LAMA5: variants seen among roughly 807,000 people sequenced by gnomAD.
LAMA5 encodes laminin subunit alpha-5.
A neutral mutation model predicts 433.4 loss-of-function variants in LAMA5; 260 were observed. The observed-to-expected ratio is 0.60, with a 90% CI of 0.54 to 0.66. LAMA5 has a LOEUF of 0.66. LAMA5 is among the 30% of genes least tolerant of loss of function. LAMA5 has a pLI of 0.00. For synonymous variants in LAMA5, 2,620 were observed against 2,226.6 expected (o/e 1.18, Z -4.97); for missense variants, 5,378 against 5,258.5 (o/e 1.02, Z -0.70).
intron 2 of LAMA5, 148 bp downstream of exon 2, chr20:62,362,252 C>A: frequency 7.0e-6 from 5 of 718,266 alleles, no homozygotes; most frequent in Non-Finnish European, 1.0e-5. Flanking sequence ...TGTGGGGACT[C>A]CCCCCACCAA....
intron 32 of LAMA5, 40 bp downstream of exon 32, chr20:62,329,737 G>C (rs377201449): frequency 3.3e-5 from 53 of 1,608,496 alleles, no homozygotes; most frequent in Non-Finnish European, 4.5e-5. Context: ...ACAAGTATAA[G>C]GACAGCTGGT....
Position 62,324,826 on chromosome 20 carries a change from ACCCACT to A in LAMA5, c.5530-278_5530-273del, listed in dbSNP as rs567900584. On this transcript the variant is annotated intron_variant, in intron 41 of 79. Transcript: ENST00000252999. This position sits in a 1 kb window ranked among gnomAD's most constrained non-coding sequence, Gnocchi z 4.4. Reference sequence around the variant, plus strand: ...TGACCAGGCCTTGGGGCTGGTGACCACCCACTCCATGTGGACCAGGGCCTACTCTTT... The same window carrying A: ...TGACCAGGCCTTGGGGCTGGTGACCACCATGTGGACCAGGGCCTACTCTTT... 348 of 497,710 alleles carry A rather than the reference ACCCACT, an allele frequency of 7.0e-4. 1 individual carries two copies. The highest frequency in any genetic ancestry group is 1.2e-3 in the Non-Finnish European group (314 of 272,292). 30.8% of individuals were successfully genotyped at this position (497,710 alleles called of 1,614,324 possible).
In LAMA5 at chr20:62,359,935, C is replaced by T. The variant is rs1475013454; in HGVS notation, c.450+2465G>A. On this transcript the variant is annotated intron_variant, in intron 2 of 79. Coordinates refer to ENST00000252999, the MANE Select transcript of LAMA5 (RefSeq NM_005560.6). This position sits in a 1 kb window ranked among gnomAD's most constrained non-coding sequence, Gnocchi z 4.3. ...AGCCTTCCCGATGCCCAGTGCCAGC[C>T]GCCCCCACCCCCGTCCCAGGGCATC... is the stretch of plus-strand genomic sequence containing the variant. Among the ~76,000 whole-genome samples, 10 of 151,790 alleles carry T rather than the reference C, an allele frequency of 6.6e-5. No individual in the cohort carries two copies. Among genetic ancestry groups the T allele is most frequent in the African/African-American group, 1.5e-4 (6 of 41,336 alleles).
In LAMA5 at chr20:62,346,774, C is replaced by T. The variant is rs767044259; in HGVS notation, c.1099G>A (p.Asp367Asn). ...TCCACCTCAGGGTCGTAGTAACAGT[C>T]GGTGGCATGGCCGTAGCAGTTACAG... is the stretch of plus-strand genomic sequence containing the variant. ...QSCNCYGHAT[D>N]CYYDPEVDRR... The change falls in exon 8 of 80, where the codon GAC becomes AAC. Residue 367 changes from aspartate (D) to asparagine (N), a missense_variant. Asp to Asn is a conservative substitution (Grantham distance 23). Transcript: ENST00000252999. 7.4e-6 allele frequency: 12 copies of T among 1,612,402 alleles called. No homozygotes were observed. Among genetic ancestry groups the T allele is most frequent in the African/African-American group, 4.0e-5 (3 of 74,926 alleles).
At chr20:62,319,589 T>C in intron 51 of LAMA5, 95 bp downstream of exon 51, 2 of 840,566 alleles carry the variant, frequency 2.4e-6, no homozygotes, top group Non-Finnish European at 1.9e-6. Flanking sequence ...AGATCCTGCC[T>C]GTTCTTCCAG....
Position 62,367,259 on chromosome 20 carries a change from G to A in LAMA5, c.-14C>T, listed in dbSNP as rs1223233118. ...CCGCTTCGCCATCTTCCCGGCTCCG[G>A]GCCGCGTCCCCGAGCTCCAGGGACA... is the stretch of plus-strand genomic sequence containing the variant. On this transcript the variant is annotated 5_prime_UTR_variant, in exon 1 of 80. Coordinates refer to ENST00000252999, the MANE Select transcript of LAMA5 (RefSeq NM_005560.6). 6 of 1,163,148 alleles carry A rather than the reference G, an allele frequency of 5.2e-6. No individual in the cohort carries two copies. In the South Asian group the frequency reaches 1.6e-4, roughly 31 times the overall value. 72.1% of individuals were successfully genotyped at this position (1,163,148 alleles called of 1,614,324 possible).
At position 62,314,651 on chromosome 20, in the gene LAMA5, A is replaced by C; in HGVS notation, c.8271T>G (p.Ala2757=). The change falls in exon 61 of 80, where the codon GCT becomes GCG. Residue 2757 remains alanine, a synonymous_variant. Coordinates refer to ENST00000252999, the MANE Select transcript of LAMA5 (RefSeq NM_005560.6). ...LRTPRDLADL[A]AYTALKFYLQ... The stretch of plus-strand genomic sequence containing the variant: ...GGTAGAACTTGAGGGCAGTGTAGGC[A>C]GCAAGGTCGGCAAGATCCCGTGGGG... 1 of 1,612,662 alleles carries C rather than the reference A, an allele frequency of 6.2e-7. No homozygotes were observed. Among genetic ancestry groups the C allele is most frequent in the Non-Finnish European group, 8.5e-7 (1 of 1,179,922 alleles).
Position 62,324,356 on chromosome 20 carries a change from G to C in LAMA5, c.5643+85C>G. The C allele has an allele frequency of 7.0e-7, 1 of 1,428,378 alleles. No individual in the cohort carries two copies. Among genetic ancestry groups the C allele is most frequent in the African/African-American group, 1.4e-5 (1 of 70,874 alleles). The allele number at this position is 1,428,378 out of a possible 1,614,324, so 88.5% of individuals were successfully genotyped here. On this transcript the variant is annotated intron_variant, in intron 42 of 79. Transcript: ENST00000252999. The surrounding 1 kb of genome is among the most constrained non-coding windows in gnomAD (Gnocchi z 4.4). Reference sequence around the variant, plus strand: ...CCTTCCCCAGACCTCAGTTGACCTGGAAGTGCAGCCCCTGGTCTTCCCTGG... The same window carrying C: ...CCTTCCCCAGACCTCAGTTGACCTGCAAGTGCAGCCCCTGGTCTTCCCTGG...
chr20:62,341,287 T>C (rs986152178), intron 11 of LAMA5, among the ~76,000 whole-genome samples: 23 of 152,072 alleles, frequency 1.5e-4, no homozygotes, highest in African/African-American at 5.3e-4. Context: ...AATGATAGAC[T>C]ATTTAAAAAA....
chr20:62,319,802 A>G lies in LAMA5; in HGVS notation c.6760-7T>C, dbSNP rs1371103957. On this transcript the variant is annotated splice_region_variant and splice_polypyrimidine_tract_variant and intron_variant, in intron 50 of 79. Coordinates refer to ENST00000252999, the MANE Select transcript of LAMA5 (RefSeq NM_005560.6). ...GGTCTCGGGTCCCCACGGCCTGTGG[A>G]GGAAGAGCCCACTAGCCCACGCTGC... 1.9e-6 allele frequency: 3 copies of G among 1,541,998 alleles called. No individual in the cohort carries two copies. The highest frequency in any genetic ancestry group is 2.0e-5 in the Admixed American group (1 of 50,912).
chr20:62,322,972 C>A (rs1978561967), intron 45 of LAMA5, among the ~76,000 whole-genome samples: 1 of 151,806 alleles, frequency 6.6e-6, no homozygotes, highest in African/African-American at 2.4e-5. Context: ...CATGGCCTGC[C>A]CTGCTCTGAC....
chr20:62,311,445 T>G lies in LAMA5; in HGVS notation c.9898A>C (p.Thr3300Pro). Reference protein sequence around the residue: ...TGCAPALQAQTPGLGPRGLQA... With the variant: ...TGCAPALQAQPPGLGPRGLQA... Reference sequence around the variant, plus strand: ...AGTCCTCTAGGCCCCAGGCCCGGGGTCTGGGCTTGCAGGGCGGGTGCACAG... The same window carrying G: ...AGTCCTCTAGGCCCCAGGCCCGGGGGCTGGGCTTGCAGGGCGGGTGCACAG... Residue 3300 changes from threonine (T) to proline (P), a missense_variant, in exon 72 of 80, where the codon ACC (threonine) becomes CCC (proline). By Grantham distance (38) the Thr-to-Pro change is conservative (BLOSUM62 -1). Transcript: ENST00000252999. The G allele has an allele frequency of 6.2e-7, 1 of 1,601,814 alleles. No homozygotes were observed. Among genetic ancestry groups the G allele is most frequent in the African/African-American group, 1.3e-5 (1 of 74,728 alleles).
chr20:62,318,919 C>A lies in LAMA5; in HGVS notation c.6966G>T (p.Leu2322=), dbSNP rs772099510. 3 of 1,602,994 alleles carry A rather than the reference C, an allele frequency of 1.9e-6. No homozygotes were observed. Among genetic ancestry groups the A allele is most frequent in the South Asian group, 2.2e-5 (2 of 90,142 alleles). The change falls in exon 52 of 80, where the codon CTG becomes CTT. Residue 2322 remains leucine (L), a synonymous_variant. Coordinates refer to ENST00000252999, the MANE Select transcript of LAMA5 (RefSeq NM_005560.6). Reference sequence around the variant, plus strand: ...GGTCCCGGGCCCGCATCTCCCAGAGCAGCCGCTCCACCTCGGCCAGTGTCC... The same window carrying A: ...GGTCCCGGGCCCGCATCTCCCAGAGAAGCCGCTCCACCTCGGCCAGTGTCC... ...LLRTLAEVER[L]LWEMRARDLG...
chr20:62,346,111 C>T lies in LAMA5; in HGVS notation c.1387G>A (p.Glu463Lys), dbSNP rs1401472581. ...FSGERCDVCA[E>K]GFTGFPSCYP... The stretch of plus-strand genomic sequence containing the variant: ...CAGCTTGGGAAGCCCGTGAAGCCCT[C>T]GGCACACACGTCACACCGCTCCCCA... The change falls in exon 10 of 80, where the codon GAG (glutamate) becomes AAG (lysine). Residue 463 changes from glutamate (E) to lysine (K), a missense_variant. Transcript: ENST00000252999. 34 of 1,612,920 alleles carry T rather than the reference C, an allele frequency of 2.1e-5. No homozygotes were observed. Among genetic ancestry groups the T allele is most frequent in the African/African-American group, 4.0e-5 (3 of 74,942 alleles).
Position 62,336,784 on chromosome 20 carries a change from C to T in LAMA5, c.2167G>A (p.Gly723Ser), listed in dbSNP as rs1568949918. ...GCCAGACCGGCAGGGTGGCAAGAGCCAGCTGTGAAGAGAGGACCATGCCTC... is the reference window on the plus strand; with the variant it reads ...GCCAGACCGGCAGGGTGGCAAGAGCTAGCTGTGAAGAGAGGACCATGCCTC... ...GAYNFPYCEA[G>S]SCHPAGLAPV... Residue 723 changes from glycine to serine, a missense_variant and splice_region_variant, in exon 17 of 80, where the codon GGC becomes AGC. Transcript: ENST00000252999. The T allele has an allele frequency of 1.9e-6, 3 of 1,612,632 alleles. No homozygotes were observed. The highest frequency in any genetic ancestry group is 2.5e-6 in the Non-Finnish European group (3 of 1,179,936).
At chr20:62,309,551 T>G in intron 79 of LAMA5, 76 bp from the exon 80 acceptor site, 1 of 1,124,688 alleles carries the variant, frequency 8.9e-7, no homozygotes, top group South Asian at 1.6e-5. Context: ...CAAACGTCAG[T>G]GCCCCACCCA....
At chr20:62,318,797 G>C (rs764842075) in intron 52 of LAMA5, 46 bp downstream of exon 52, 18 of 1,597,496 alleles carry the variant, frequency 1.1e-5, no homozygotes, top group Non-Finnish European at 1.4e-5. Context: ...GAGCTCCCAG[G>C]TCCCTGCCTC....
At chr20:62,337,192 CG>C (rs1981793366) in intron 16 of LAMA5, among the ~76,000 whole-genome samples, 3 of 152,040 alleles carry the variant, frequency 2.0e-5, no homozygotes, top group African/African-American at 4.8e-5. Context: ...CCCACTTATG[CG>C]ATACGCGCAC....
Position 62,333,696 on chromosome 20 carries a change from C to G in LAMA5, c.2889G>C (p.Gln963His). Residue 963 changes from glutamine (Q) to histidine (H), a missense_variant, in exon 24 of 80, where the codon CAG becomes CAC. Coordinates refer to ENST00000252999, the MANE Select transcript of LAMA5 (RefSeq NM_005560.6). ...TGGGTGGGAAGGCCACGGGCTGACT[C>G]TGTGCTGTGCCTGGGCGGGGGCAGG... ...RSATCANCTA[Q>H]SQPVAFPPST... The G allele has an allele frequency of 6.3e-7, 1 of 1,591,246 alleles. No homozygotes were observed. The highest frequency in any genetic ancestry group is 8.5e-7 in the Non-Finnish European group (1 of 1,170,564).
Sources: allele counts gnomAD v4.1 joint callset (sites outside exome capture counted in the v4.1 genomes callset), GRCh38; gene constraint gnomAD v4.1.1; non-coding constraint Gnocchi (gnomAD v3.1); transcripts MANE v1.5; gene names NCBI Gene and HGNC (gene_info 2026-07-23, HGNC 2026-07-21).